The following GPC5 variants were observed in gnomAD, a reference collection of about 807,000 sequenced individuals.
GPC5 encodes glypican-5.
In GPC5, 47 loss-of-function variants were observed where a neutral mutation model predicts 53.9. That is an observed-to-expected ratio of 0.87 (90% CI 0.69 to 1.11). The LOEUF is 1.11. GPC5 is among the 50% of genes most tolerant of loss of function. The pLI is 0.00. For missense variants in GPC5, 748 were observed against 713.1 expected (o/e 1.05, Z -0.56); for synonymous variants, 286 against 263.3 (o/e 1.09, Z -0.84).
intron 6 of GPC5, among the ~76,000 whole-genome samples, chr13:92,080,232 T>TA (rs1387198248): frequency 2.0e-5 from 3 of 152,306 alleles, no homozygotes; most frequent in Admixed American, 6.5e-5. Context: ...TCCACAGGTC[T>TA]GCTCTCATTC....
chr13:92,044,844 C>T (rs907333242), intron 6 of GPC5, among the ~76,000 whole-genome samples: 1 of 152,036 alleles, frequency 6.6e-6, no homozygotes, highest in Non-Finnish European at 1.5e-5. Flanking sequence ...TTTGAATATG[C>T]CTACTTCTGG....
At chr13:92,520,864 T>C (rs1307901095) in intron 7 of GPC5, among the ~76,000 whole-genome samples, 1 of 152,200 alleles carries the variant, frequency 6.6e-6, no homozygotes, top group African/African-American at 2.4e-5. Flanking sequence ...GATGACATGA[T>C]TGTGTAGTTA....
At position 92,145,468 on chromosome 13, in the gene GPC5, T is replaced by C. The variant is rs1436022942; in HGVS notation, c.1561+479T>C. Among the ~76,000 whole-genome samples, 5 of 152,148 alleles carry C rather than the reference T, an allele frequency of 3.3e-5. No individual in the cohort carries two copies. The Middle Eastern group carries it at 0.014, about 417-fold the overall frequency. Reference sequence around the variant, plus strand: ...GAAAACTACTTGGATTTAATGCTTATGAATTTCCCCTTCCAAAAAAAAAAA... The same window carrying C: ...GAAAACTACTTGGATTTAATGCTTACGAATTTCCCCTTCCAAAAAAAAAAA... On this transcript the variant is annotated intron_variant, in intron 7 of 7. Transcript: ENST00000377067.
At chr13:92,138,541 TAAAA>T (rs1305571921) in intron 6 of GPC5, among the ~76,000 whole-genome samples, 1 of 50,970 alleles carries the variant, frequency 2.0e-5, no homozygotes, top group Non-Finnish European at 5.1e-5. Context: ...AAATAAAAAA[TAAAA>T]AAAAATAAAA....
At chr13:91,759,000 T>C (rs371028465) in intron 5 of GPC5, among the ~76,000 whole-genome samples, 6 of 152,072 alleles carry the variant, frequency 3.9e-5, no homozygotes, top group African/African-American at 1.2e-4. Flanking sequence ...CTACCACCTC[T>C]AAGGCTACTG....
intron 7 of GPC5, among the ~76,000 whole-genome samples, chr13:92,468,002 A>G (rs978828715): frequency 1.3e-5 from 2 of 152,088 alleles, no homozygotes; most frequent in African/African-American, 4.8e-5. Context: ...CTCTATTACA[A>G]ATTGAAATTA....
intron 7 of GPC5, among the ~76,000 whole-genome samples, chr13:92,664,180 A>G (rs1431144021): frequency 6.6e-6 from 1 of 151,978 alleles, no homozygotes; most frequent in Admixed American, 6.6e-5. Flanking sequence ...AGTTGTATGT[A>G]AGGCTAGTCT....
intron 1 of GPC5, among the ~76,000 whole-genome samples, chr13:91,427,625 A>T (rs1879149231): frequency 6.6e-6 from 1 of 152,084 alleles, no homozygotes; most frequent in South Asian, 2.1e-4. Context: ...CTCAGATGAG[A>T]CTTGGACTTT....
chr13:91,995,682 G>A (rs973358376), intron 6 of GPC5: 1 of 152,064 alleles, frequency 6.6e-6, no homozygotes, highest in Non-Finnish European at 1.5e-5. Flanking sequence ...CTAAACTCAT[G>A]TTGTTTCTCT....
chr13:91,406,774 G>T (rs543550952), intron 1 of GPC5, among the ~76,000 whole-genome samples: 1 of 152,030 alleles, frequency 6.6e-6, no homozygotes, highest in Non-Finnish European at 1.5e-5. Context: ...TCTCTGGAAG[G>T]TCTCCTGTTG....
chr13:92,431,056 T>A (rs754137463), intron 7 of GPC5, among the ~76,000 whole-genome samples: 1 of 152,148 alleles, frequency 6.6e-6, no homozygotes, highest in Non-Finnish European at 1.5e-5. Context: ...ATCTTTTTAT[T>A]CTCTTTCCCA....
intron 2 of GPC5, among the ~76,000 whole-genome samples, chr13:91,652,850 A>G (rs2034749974): frequency 1.3e-5 from 2 of 152,126 alleles, no homozygotes; most frequent in Non-Finnish European, 2.9e-5. Context: ...TTGATCGTTT[A>G]CTTTAGGAAT....
intron 7 of GPC5, among the ~76,000 whole-genome samples, chr13:92,288,944 T>G (rs1169617782): frequency 6.6e-6 from 1 of 152,144 alleles, no homozygotes; most frequent in East Asian, 1.9e-4. Flanking sequence ...GATACATCGT[T>G]GAACCATTAC....
intron 5 of GPC5, among the ~76,000 whole-genome samples, chr13:91,871,431 T>C (rs1283580806): frequency 6.6e-6 from 1 of 151,950 alleles, no homozygotes; most frequent in African/African-American, 2.4e-5. Flanking sequence ...GATGAAATGA[T>C]ATATACAACA....
intron 6 of GPC5, among the ~76,000 whole-genome samples, chr13:92,119,467 C>T (rs1481690153): frequency 5.3e-5 from 7 of 132,774 alleles, no homozygotes; most frequent in African/African-American, 1.1e-4. Flanking sequence ...GGCGCGATCT[C>T]GGCTCACTGC....
chr13:91,722,008 C>T (rs1408314616), intron 3 of GPC5, among the ~76,000 whole-genome samples: 1 of 152,194 alleles, frequency 6.6e-6, no homozygotes, highest in East Asian at 1.9e-4. Context: ...TTCCCATCTA[C>T]TACAATAATG....
chr13:92,406,532 A>G (rs1397254021), intron 7 of GPC5, among the ~76,000 whole-genome samples: 1 of 152,202 alleles, frequency 6.6e-6, no homozygotes, highest in African/African-American at 2.4e-5. Flanking sequence ...TGTACTTAAT[A>G]TGAGCCAGGT....
At chr13:92,119,399 T>TG (rs2041627944) in intron 6 of GPC5, among the ~76,000 whole-genome samples, 1 of 124,596 alleles carries the variant, frequency 8.0e-6, no homozygotes, top group Non-Finnish European at 1.7e-5. Context: ...AGTTTTTTTT[T>TG]TTTTTTTTTT....
chr13:91,571,808 C>CAA (rs1404389219), intron 2 of GPC5, among the ~76,000 whole-genome samples: 1 of 118,188 alleles, frequency 8.5e-6, no homozygotes, highest in African/African-American at 3.6e-5. Context: ...TATATACACA[C>CAA]ACATACGTGT....
Sources: gnomAD v4.1 joint callset for allele counts (sites outside exome capture counted in the v4.1 genomes callset) on GRCh38, gnomAD v4.1.1 for gene constraint, MANE v1.5 for transcripts, NCBI Gene and HGNC (gene_info 2026-07-23, HGNC 2026-07-21) for gene names.